The following SCAF4 variants were observed in gnomAD, a reference collection of about 807,000 sequenced individuals.
The protein encoded by SCAF4 is SR-related CTD associated factor 4.
A neutral mutation model predicts 129.8 loss-of-function variants in SCAF4; 25 were observed. The observed-to-expected ratio is 0.19, with a 90% CI of 0.14 to 0.27. SCAF4 has a LOEUF of 0.27. Ranked by LOEUF, SCAF4 falls within the 10% of genes least tolerant of loss-of-function variation. SCAF4 has a pLI of 1.00. For missense variants in SCAF4, 1,246 were observed against 1,457.1 expected (o/e 0.86, Z 2.36); for synonymous variants, 551 against 497.7 (o/e 1.11, Z -1.43).
chr21:31,725,130 T>A (rs756855982), intron 1 of SCAF4, among the ~76,000 whole-genome samples: 1 of 152,136 alleles, frequency 6.6e-6, no homozygotes, highest in Non-Finnish European at 1.5e-5. Context: ...GCAAGGGAAA[T>A]CTCCAATTTT....
intron 19 of SCAF4, among the ~76,000 whole-genome samples, chr21:31,674,937 T>C (rs998785670): frequency 6.6e-6 from 1 of 152,146 alleles, no homozygotes; most frequent in Non-Finnish European, 1.5e-5. Context: ...GCTAGCATGG[T>C]GGTATAGAGG....
In SCAF4 at chr21:31,696,765, T is replaced by A; in HGVS notation, c.778-15A>T. The A allele has an allele frequency of 3.8e-6, 6 of 1,585,264 alleles. No homozygotes were observed. Among genetic ancestry groups the A allele is most frequent in the Non-Finnish European group, 5.2e-6 (6 of 1,160,280 alleles). Reference sequence around the variant, plus strand: ...TCAAGCAACTTCTGGAATAATTATGTCAATATTTCATTTTAAAATTTAGAC... The same window carrying A: ...TCAAGCAACTTCTGGAATAATTATGACAATATTTCATTTTAAAATTTAGAC... On this transcript the variant is annotated splice_polypyrimidine_tract_variant and intron_variant, in intron 7 of 19. Coordinates refer to ENST00000286835, the MANE Select transcript of SCAF4 (RefSeq NM_020706.2).
intron 1 of SCAF4, among the ~76,000 whole-genome samples, chr21:31,710,135 A>G (rs754227953): frequency 2.6e-5 from 4 of 152,208 alleles, no homozygotes; most frequent in Non-Finnish European, 4.4e-5. Context: ...TGCCTACTAA[A>G]TATCTAGGCA....
chr21:31,677,417 C>T (rs960787874), intron 19 of SCAF4, among the ~76,000 whole-genome samples: 1 of 152,148 alleles, frequency 6.6e-6, no homozygotes, highest in East Asian at 1.9e-4. Flanking sequence ...GGTATCACCC[C>T]ATCTTGTTTT....
At position 31,671,127 on chromosome 21, in the gene SCAF4, AG is replaced by A; in HGVS notation, c.*271del. ...TTAAATTAAAAAAAAAAAAAAAAAT[AG>A]AGAGCACTTCTAATTACGATTTGTA... is the stretch of plus-strand genomic sequence containing the variant. On this transcript the variant is annotated 3_prime_UTR_variant, in exon 20 of 20. Coordinates refer to ENST00000286835, the MANE Select transcript of SCAF4 (RefSeq NM_020706.2). 3.0e-5 allele frequency: 8 copies of A among 267,830 alleles called. No homozygotes were observed. The highest frequency in any genetic ancestry group is 5.6e-5 in the Non-Finnish European group (8 of 143,348). The allele number at this position is 267,830 out of a possible 1,614,324, so 16.6% of individuals were successfully genotyped here. A position where few individuals can be genotyped will look rare whatever the true frequency, so the allele number is the denominator to read the frequency against.
intron 1 of SCAF4, among the ~76,000 whole-genome samples, chr21:31,707,369 A>C (rs751130541): frequency 2.0e-5 from 3 of 152,168 alleles, no homozygotes; most frequent in Non-Finnish European, 4.4e-5. Flanking sequence ...ACACAAACAA[A>C]AGGGGAAAAC....
rs769366777 is a variant in SCAF4 at position 31,706,378 on chromosome 21, CA to C, written c.31-22del. ...AAGAGCTTAAAAGACAAAAAACAAA[CA>C]AAAAGTAAAGTTTAACTATTTGGCT... On this transcript the variant is annotated intron_variant, in intron 1 of 19. Coordinates refer to ENST00000286835, the MANE Select transcript of SCAF4 (RefSeq NM_020706.2). The C allele has an allele frequency of 4.6e-6, 7 of 1,525,748 alleles. No homozygotes were observed. The South Asian group carries it at 7.0e-5, about 15-fold the overall frequency. 94.5% of individuals were successfully genotyped at this position (1,525,748 alleles called of 1,614,324 possible).
At chr21:31,703,996 AT>A in intron 3 of SCAF4, 70 bp from the exon 4 acceptor site, 3 of 1,007,890 alleles carry the variant, frequency 3.0e-6, no homozygotes, top group Non-Finnish European at 4.3e-6. Context: ...TTATTTTCAC[AT>A]TTATGAAACT....
At chr21:31,723,627 TGTGC>T (rs1330332587) in intron 1 of SCAF4, among the ~76,000 whole-genome samples, 1 of 142,574 alleles carries the variant, frequency 7.0e-6, no homozygotes, top group African/African-American at 2.5e-5. Context: ...TGTGTGTGTG[TGTGC>T]GCGCGCGCGC....
At chr21:31,723,237 A>G (rs2051114292) in intron 1 of SCAF4, among the ~76,000 whole-genome samples, 1 of 152,084 alleles carries the variant, frequency 6.6e-6, no homozygotes, top group South Asian at 2.1e-4. Context: ...CCTGCCTAAG[A>G]CTTTTAAAGA....
chr21:31,696,828 T>A, intron 7 of SCAF4, 78 bp from the exon 8 acceptor site: 1 of 1,212,922 alleles, frequency 8.2e-7, no homozygotes. Flanking sequence ...AAACAAGGGA[T>A]GTTTACCACC....
rs143538658 is a variant in SCAF4 at position 31,675,213 on chromosome 21, A to G, written c.2489-2859T>C. Among the ~76,000 whole-genome samples the G allele has an allele frequency of 9.8e-5, 15 of 152,342 alleles. No homozygotes were observed. In the East Asian group the frequency reaches 2.5e-3, roughly 25 times the overall value. On this transcript the variant is annotated intron_variant, in intron 19 of 19. Transcript: ENST00000286835. ...TGAAGCTAAAGAGATAAGTCAGGGC[A>G]ATTCACAGGCCCTATATGCCATAAG...
At chr21:31,725,858 T>C (rs1024779538) in intron 1 of SCAF4, among the ~76,000 whole-genome samples, 1 of 152,238 alleles carries the variant, frequency 6.6e-6, no homozygotes, top group Non-Finnish European at 1.5e-5. Flanking sequence ...TCACTCTTTA[T>C]TAATTTTTTT....
intron 1 of SCAF4, among the ~76,000 whole-genome samples, chr21:31,722,737 C>T (rs928811029): frequency 7.2e-5 from 11 of 152,086 alleles, no homozygotes; most frequent in Non-Finnish European, 1.3e-4. Flanking sequence ...AGGTGGATCA[C>T]GAGGTCCAAG....
chr21:31,671,939 T>G lies in SCAF4; in HGVS notation c.2904A>C (p.Pro968=). 6.2e-7 allele frequency: 1 copy of G among 1,609,384 alleles called. No individual in the cohort carries two copies. Among genetic ancestry groups the G allele is most frequent in the South Asian group, 1.1e-5 (1 of 90,842 alleles). ...GTGTTGGTGGAGGCTGTTGTGATGG[T>G]GGTGGCTGCTGCTGCTGCTGCTGCT... The part of the protein sequence containing the change: ...QPQQQQQQQP[P]PSQQPPPTQQ... Residue 968 remains proline (P), a synonymous_variant, in exon 20 of 20, where the codon CCA becomes CCC. Coordinates refer to ENST00000286835, the MANE Select transcript of SCAF4 (RefSeq NM_020706.2).
intron 3 of SCAF4, among the ~76,000 whole-genome samples, chr21:31,704,710 A>G (rs73353416): frequency 0.043 from 6,516 of 152,218 alleles, 442 homozygotes; most frequent in African/African-American, 0.15. Context: ...AAATAAATCC[A>G]AATGTATTAA....
intron 1 of SCAF4, among the ~76,000 whole-genome samples, chr21:31,717,143 A>G (rs2050938424): frequency 6.6e-6 from 1 of 152,224 alleles, no homozygotes; most frequent in Non-Finnish European, 1.5e-5. Flanking sequence ...GTGAGATCTA[A>G]TGGACGAGTT....
At chr21:31,699,503 T>G (rs998564357) in intron 7 of SCAF4, among the ~76,000 whole-genome samples, 1 of 109,510 alleles carries the variant, frequency 9.1e-6, no homozygotes, top group Non-Finnish European at 1.7e-5. Context: ...GTATTATTTG[T>G]TTTTTTTTTT....
At chr21:31,695,600 T>C (rs992565629) in intron 9 of SCAF4, among the ~76,000 whole-genome samples, 1 of 152,206 alleles carries the variant, frequency 6.6e-6, no homozygotes, top group African/African-American at 2.4e-5. Context: ...ATAACAAAAA[T>C]GCTTCCCACC....
Sources: gnomAD v4.1 joint callset for allele counts (sites outside exome capture counted in the v4.1 genomes callset) on GRCh38, gnomAD v4.1.1 for gene constraint, MANE v1.5 for transcripts, NCBI Gene and HGNC (gene_info 2026-07-23, HGNC 2026-07-21) for gene names.